Variants in HLA-DQA1 observed in about 807,000 individuals in gnomAD.
The protein encoded by HLA-DQA1 is HLA class II histocompatibility antigen, DQ alpha 1 chain.
A neutral mutation model predicts 20.7 loss-of-function variants in HLA-DQA1; 10 were observed. The observed-to-expected ratio is 0.48, with a 90% CI of 0.30 to 0.82. HLA-DQA1 has a LOEUF of 0.82. Among genes scored for constraint, HLA-DQA1 ranks in the 40% least tolerant of loss-of-function variants. The pLI, the probability that HLA-DQA1 is intolerant of heterozygous loss-of-function variation, is 0.07. For synonymous variants in HLA-DQA1, 39 were observed against 109.2 expected, an observed-to-expected ratio of 0.36 and a Z score of 4.01; for missense variants, 127 against 293.0, an observed-to-expected ratio of 0.43 and a Z score of 4.14.
downstream of HLA-DQA1, among the ~76,000 whole-genome samples, chr6:32,650,862 A>G (rs1421255273): frequency 6.6e-4 from 15 of 22,730 alleles, 4 homozygotes; most frequent in South Asian, 6.9e-3. Flanking sequence ...TAATAATAAT[A>G]ATAATAATAA....
the HLA-DQA1 span, among the ~76,000 whole-genome samples, chr6:32,653,057 G>A: frequency 0.09 from 12,399 of 137,414 alleles, 750 homozygotes; most frequent in Middle Eastern, 0.2. Context: ...ATCCGATGAG[G>A]CAGGTTTCAT....
intron 1 of HLA-DQA1, chr6:32,639,398 G>A (rs9272566): frequency 0.092 from 9,276 of 100,876 alleles, 2,350 homozygotes; most frequent in South Asian, 0.24. Flanking sequence ...AAGAATGCTC[G>A]GGGCTCACAT....
downstream of HLA-DQA1, chr6:32,646,122 G>C (rs1781893155): frequency 1.2e-5 from 1 of 84,550 alleles, no homozygotes; most frequent in East Asian, 3.7e-4. Context: ...AGCTAAAAAT[G>C]TAGGGCCTAC....
chr6:32,645,418 C>T, downstream of HLA-DQA1: 1 of 145,212 alleles, frequency 6.9e-6, no homozygotes, highest in Non-Finnish European at 1.5e-5. Context: ...AAGGAACATG[C>T]AACCTAGATC....
the HLA-DQA1 span, among the ~76,000 whole-genome samples, chr6:32,655,261 T>TTATTTTTTTAATTG: frequency 0.16 from 22,570 of 137,914 alleles, 2,338 homozygotes; most frequent in Middle Eastern, 0.33. Flanking sequence ...AGTTTTCTGT[T>TTATTTTTTTAATTG]TTTTAAAATC....
chr6:32,654,526 G>A, the HLA-DQA1 span, among the ~76,000 whole-genome samples: 6,380 of 65,762 alleles, frequency 0.097, 737 homozygotes, highest in Middle Eastern at 0.18. Flanking sequence ...TATACTTTAA[G>A]CCATCTCTAG....
At chr6:32,655,261 T>TTTTTTTTTAATTG in the HLA-DQA1 span, among the ~76,000 whole-genome samples, 1 of 142,056 alleles carries the variant, frequency 7.0e-6, no homozygotes. Context: ...AGTTTTCTGT[T>TTTTTTTTTAATTG]TTTTAAAATC....
chr6:32,643,158 A>G lies in HLA-DQA1; in HGVS notation c.*227A>G, dbSNP rs1130151. On this transcript the variant is annotated 3_prime_UTR_variant, in exon 5 of 5. Coordinates refer to ENST00000343139, the MANE Select transcript of HLA-DQA1 (RefSeq NM_002122.5). ...CCTGATTTTTTTTTTCTTTTCTCAA[A>G]TGTTACCTACAAAGACATGCCTGGG... 64,626 of 289,554 alleles carry G rather than the reference A, an allele frequency of 0.22. 23,369 individuals are homozygous for G. The highest frequency in any genetic ancestry group is 0.39 in the Middle Eastern group (768 of 1,986). The allele number at this position is 289,554 out of a possible 1,614,324, so 17.9% of individuals were successfully genotyped here. A position where few individuals can be genotyped will look rare whatever the true frequency, so the allele number is the denominator to read the frequency against.
the HLA-DQA1 span, among the ~76,000 whole-genome samples, chr6:32,653,068 C>T: frequency 6.7e-6 from 1 of 148,614 alleles, no homozygotes; most frequent in African/African-American, 2.5e-5. Context: ...CAGGTTTCAT[C>T]ACCTAAGGCA....
At chr6:32,648,867 G>T (rs1277686559), downstream of HLA-DQA1, among the ~76,000 whole-genome samples, 1 of 97,180 alleles carries the variant, frequency 1.0e-5, no homozygotes, top group East Asian at 3.3e-4. Flanking sequence ...TGACATGATT[G>T]TATATTTAGA....
downstream of HLA-DQA1, among the ~76,000 whole-genome samples, chr6:32,647,676 T>G (rs7744613): frequency 0.13 from 19,007 of 151,788 alleles, 1,421 homozygotes; most frequent in Middle Eastern, 0.3. Flanking sequence ...CCTTCCTAAG[T>G]CTATGGGAAC....
chr6:32,653,735 G>A, the HLA-DQA1 span, among the ~76,000 whole-genome samples: 12 of 92,440 alleles, frequency 1.3e-4, 4 homozygotes, highest in African/African-American at 4.5e-4. Flanking sequence ...GCAAGAGATG[G>A]AATCAACCTA....
chr6:32,653,050 C>T, the HLA-DQA1 span, among the ~76,000 whole-genome samples: 60,603 of 117,646 alleles, frequency 0.52, 16,888 homozygotes, highest in Middle Eastern at 0.62. Context: ...GAGTAAAATC[C>T]GATGAGGCAG....
chr6:32,640,399 G>C (rs1781282991), intron 1 of HLA-DQA1, among the ~76,000 whole-genome samples: 2 of 92,662 alleles, frequency 2.2e-5, no homozygotes, highest in Non-Finnish European at 4.7e-5. Flanking sequence ...CACATGTCTT[G>C]ACAAAAAAGT....
chr6:32,652,279 CAA>C, the HLA-DQA1 span, among the ~76,000 whole-genome samples: 4 of 41,286 alleles, frequency 9.7e-5, no homozygotes, highest in Non-Finnish European at 5.0e-5. Context: ...GACTCCATCT[CAA>C]AAAAAAAAAA....
rs182137601 is a variant in HLA-DQA1 at position 32,642,858 on chromosome 6, A to G, written c.*20+74A>G. 302 of 922,994 alleles carry G rather than the reference A, an allele frequency of 3.3e-4. 76 individuals are homozygous for G. The highest frequency in any genetic ancestry group is 1.3e-3 in the Admixed American group (50 of 39,324). The allele number at this position is 922,994 out of a possible 1,614,324, so 57.2% of individuals were successfully genotyped here. On this transcript the variant is annotated intron_variant, in intron 4 of 4. Transcript: ENST00000343139. ...AAGTGGGAGGGCGTTGTGGACATGA[A>G]TGTGGTTGAAAGTTGTAGGGGAATT...
chr6:32,639,042 G>A (rs9272539), intron 1 of HLA-DQA1: 35,946 of 258,194 alleles, frequency 0.14, 7,088 homozygotes, highest in East Asian at 0.27. Context: ...TTTATTAACC[G>A]TGGCTGCTCC....
In HLA-DQA1 at chr6:32,642,769, C is replaced by T. The variant is rs746898931; in HGVS notation, c.*5C>T. 8.7e-6 allele frequency: 10 copies of T among 1,144,700 alleles called. 2 individuals are homozygous for T. Among genetic ancestry groups the T allele is most frequent in the Non-Finnish European group, 1.2e-5 (10 of 810,970 alleles). 70.9% of individuals were successfully genotyped at this position (1,144,700 alleles called of 1,614,324 possible). ...AGACACCAAGGGCCATTGTGAATCC[C>T]ATCCTGGAAGGGAAGGTAAGATTGA... is the stretch of plus-strand genomic sequence containing the variant. On this transcript the variant is annotated 3_prime_UTR_variant, in exon 4 of 5. Coordinates refer to ENST00000343139, the MANE Select transcript of HLA-DQA1 (RefSeq NM_002122.5).
chr6:32,654,192 T>C, the HLA-DQA1 span, among the ~76,000 whole-genome samples: 1 of 100,480 alleles, frequency 1.0e-5, no homozygotes, highest in Non-Finnish European at 2.2e-5. Flanking sequence ...TAGTCCCAGC[T>C]ACTCCAGAGA....
Sources: allele counts gnomAD v4.1 joint callset (sites outside exome capture counted in the v4.1 genomes callset), GRCh38; gene constraint gnomAD v4.1.1; transcripts MANE v1.5; gene names NCBI Gene and HGNC (gene_info 2026-07-23, HGNC 2026-07-21).